The following PCDH9 variants were observed in gnomAD, a reference collection of about 807,000 sequenced individuals.
PCDH9 encodes the protein protocadherin 9.
In PCDH9, 24 loss-of-function variants were observed where a neutral mutation model predicts 70.6. The ratio of observed to expected loss-of-function variants is 0.34; its 90% CI spans 0.25 to 0.48. PCDH9 has a LOEUF of 0.48. Ranked by LOEUF, PCDH9 falls within the 20% of genes least tolerant of loss-of-function variation. The pLI is 0.99. For synonymous variants in PCDH9, 562 were observed against 558.5 expected (o/e 1.01, Z -0.09); for missense variants, 1,281 against 1,503.6 (o/e 0.85, Z 2.45).
At chr13:67,224,194 A>T (rs180765960) in intron 2 of PCDH9, 2 of 152,372 alleles carry the variant, frequency 1.3e-5, no homozygotes, top group African/African-American at 2.4e-5. Context: ...CCATCACCAT[A>T]GGTGAACTCC....
intron 3 of PCDH9, among the ~76,000 whole-genome samples, chr13:66,676,151 G>A (rs1018873588): frequency 7.9e-5 from 12 of 152,052 alleles, no homozygotes; most frequent in African/African-American, 2.9e-4. Context: ...AATCTTCACA[G>A]CATGAAGATT....
intron 2 of PCDH9, among the ~76,000 whole-genome samples, chr13:67,156,156 GC>G (rs1265486897): frequency 3.3e-5 from 5 of 152,034 alleles, no homozygotes; most frequent in Middle Eastern, 3.2e-3. Context: ...TGGCACTCCT[GC>G]CTGCACGCCC....
chr13:66,391,855 T>TTC (rs1385572649), intron 4 of PCDH9, among the ~76,000 whole-genome samples: 2 of 141,886 alleles, frequency 1.4e-5, no homozygotes, highest in Non-Finnish European at 3.0e-5. Context: ...GCTTCAATCA[T>TTC]TCTCTCTCTC....
intron 4 of PCDH9, among the ~76,000 whole-genome samples, chr13:66,349,210 T>C (rs1220223992): frequency 6.6e-6 from 1 of 152,108 alleles, no homozygotes; most frequent in Non-Finnish European, 1.5e-5. Context: ...GGAGGGAGGA[T>C]GGCACATACT....
At chr13:67,179,808 A>G (rs1367467815) in intron 2 of PCDH9, among the ~76,000 whole-genome samples, 2 of 152,088 alleles carry the variant, frequency 1.3e-5, no homozygotes, top group Non-Finnish European at 2.9e-5. Context: ...TGGGTGTGTT[A>G]TCATTACTTC....
chr13:66,738,698 G>A (rs1420254897), intron 3 of PCDH9, among the ~76,000 whole-genome samples: 1 of 149,760 alleles, frequency 6.7e-6, no homozygotes, highest in East Asian at 2.0e-4. Flanking sequence ...GAAGAATGCA[G>A]AAGCCTCAGG....
chr13:66,732,988 G>A (rs1462262184), intron 3 of PCDH9, among the ~76,000 whole-genome samples: 6 of 151,906 alleles, frequency 3.9e-5, no homozygotes, highest in Admixed American at 6.6e-5. Context: ...TAATAAAATG[G>A]AAATTTATAT....
intron 2 of PCDH9, among the ~76,000 whole-genome samples, chr13:66,931,334 G>T (rs1277634610): frequency 1.3e-5 from 2 of 151,980 alleles, no homozygotes; most frequent in East Asian, 1.9e-4. Context: ...ACTACATGGG[G>T]TCTCCTTTAC....
intron 2 of PCDH9, among the ~76,000 whole-genome samples, chr13:67,133,749 A>AT (rs2087164079): frequency 6.6e-6 from 1 of 152,100 alleles, no homozygotes; most frequent in African/African-American, 2.4e-5. Context: ...ATGAAAGGTT[A>AT]TTAAAAAAAT....
intron 2 of PCDH9, chr13:67,221,710 C>T (rs551802368): frequency 6.6e-6 from 1 of 152,036 alleles, no homozygotes; most frequent in African/African-American, 2.4e-5. Context: ...CCCCAAAAAA[C>T]CACACAGGGG....
At chr13:66,956,676 G>T (rs2083269806) in intron 2 of PCDH9, among the ~76,000 whole-genome samples, 1 of 152,154 alleles carries the variant, frequency 6.6e-6, no homozygotes, top group Non-Finnish European at 1.5e-5. Context: ...CTTGAACCCA[G>T]GAGGTGGAGG....
At chr13:66,449,312 A>T (rs1958160227) in intron 4 of PCDH9, among the ~76,000 whole-genome samples, 1 of 152,226 alleles carries the variant, frequency 6.6e-6, no homozygotes, top group Non-Finnish European at 1.5e-5. Flanking sequence ...TGCAATGACA[A>T]GATAAAACTT....
chr13:66,749,917 TCATGGTGTATATGATAAATG>T (rs2079430841), intron 3 of PCDH9, among the ~76,000 whole-genome samples: 1 of 152,134 alleles, frequency 6.6e-6, no homozygotes, highest in Non-Finnish European at 1.5e-5. Context: ...CTTTCAAACA[TCATGGTGTATATGATAAATG>T]CATATAATTT....
chr13:66,473,984 A>G (rs2138490017), intron 4 of PCDH9, among the ~76,000 whole-genome samples: 1 of 152,280 alleles, frequency 6.6e-6, no homozygotes, highest in African/African-American at 2.4e-5. Context: ...GCAACAATAA[A>G]CTTTTAATTT....
intron 3 of PCDH9, among the ~76,000 whole-genome samples, chr13:66,752,665 G>C (rs1296900127): frequency 1.3e-5 from 2 of 152,114 alleles, no homozygotes; most frequent in Non-Finnish European, 2.9e-5. Context: ...TACTTTCTTT[G>C]CCTCATACAG....
chr13:66,739,800 A>C (rs1242768683), intron 3 of PCDH9, among the ~76,000 whole-genome samples: 1 of 136,388 alleles, frequency 7.3e-6, no homozygotes, highest in East Asian at 2.3e-4. Context: ...ACTATCCTAA[A>C]TATATATGCA....
intron 2 of PCDH9, among the ~76,000 whole-genome samples, chr13:67,030,920 C>G (rs995359003): frequency 6.6e-6 from 1 of 152,152 alleles, no homozygotes; most frequent in African/African-American, 2.4e-5. Context: ...TCAGAGTAAT[C>G]TATTCATACT....
At chr13:66,572,075 C>T (rs1420286639) in intron 4 of PCDH9, among the ~76,000 whole-genome samples, 2 of 151,746 alleles carry the variant, frequency 1.3e-5, no homozygotes, top group Non-Finnish European at 2.9e-5. Flanking sequence ...TCTTTTTCAC[C>T]ATATAAGCTT....
intron 2 of PCDH9, among the ~76,000 whole-genome samples, chr13:66,948,015 G>A (rs976304891): frequency 3.3e-5 from 5 of 152,120 alleles, no homozygotes; most frequent in Admixed American, 2.6e-4. Context: ...GGGATGATGT[G>A]AGAGATGCTA....
Sources: gnomAD v4.1 joint callset for allele counts (sites outside exome capture counted in the v4.1 genomes callset) on GRCh38, gnomAD v4.1.1 for gene constraint, MANE v1.5 for transcripts, NCBI Gene and HGNC (gene_info 2026-07-23, HGNC 2026-07-21) for gene names.